The following LRP1B variants were observed in gnomAD, a reference collection of about 807,000 sequenced individuals.
LRP1B encodes low-density lipoprotein receptor-related protein 1B.
LRP1B carries 217 observed loss-of-function variants against 556.6 expected under a neutral mutation model. That is an observed-to-expected ratio of 0.39 (90% CI 0.35 to 0.44). The LOEUF (loss-of-function observed/expected upper bound fraction) is 0.44. LRP1B is among the 20% of genes least tolerant of loss of function. The pLI is 1.00. For synonymous variants in LRP1B, 2,047 were observed against 1,865.8 expected (o/e 1.10, Z -2.50); for missense variants, 5,053 against 5,620.8 (o/e 0.90, Z 3.23).
At chr2:141,600,336 G>T (rs1466051367) in intron 2 of LRP1B, among the ~76,000 whole-genome samples, 1 of 152,126 alleles carries the variant, frequency 6.6e-6, no homozygotes, top group Non-Finnish European at 1.5e-5. Context: ...CTTCCCAAGT[G>T]AATCTAATAC....
chr2:141,266,749 G>T (rs1289285586), intron 3 of LRP1B, among the ~76,000 whole-genome samples: 4 of 151,996 alleles, frequency 2.6e-5, no homozygotes, highest in Non-Finnish European at 5.9e-5. Context: ...TTTTATTGTA[G>T]ATTTTATTAC....
chr2:142,123,957 TAAG>T (rs939910496), intron 1 of LRP1B, among the ~76,000 whole-genome samples: 2 of 152,096 alleles, frequency 1.3e-5, no homozygotes, highest in East Asian at 3.9e-4. Flanking sequence ...CTGCAATATT[TAAG>T]AAGAAATCCC....
intron 83 of LRP1B, among the ~76,000 whole-genome samples, chr2:140,303,957 G>T (rs373660579): frequency 2.0e-5 from 3 of 152,078 alleles, no homozygotes; most frequent in African/African-American, 7.2e-5. Context: ...ATGGTTTCCA[G>T]CTTCATCCAT....
chr2:141,613,753 G>T (rs1411945991), intron 2 of LRP1B, among the ~76,000 whole-genome samples: 2 of 152,074 alleles, frequency 1.3e-5, no homozygotes, highest in African/African-American at 2.4e-5. Context: ...AAGATTAAAA[G>T]AATACTACGG....
At chr2:141,036,327 A>T (rs1698531686) in intron 11 of LRP1B, among the ~76,000 whole-genome samples, 1 of 152,110 alleles carries the variant, frequency 6.6e-6, no homozygotes, top group Non-Finnish European at 1.5e-5. Flanking sequence ...AACACAAAGA[A>T]TTTCTTTCAC....
chr2:140,458,751 T>C (rs1687202258), intron 60 of LRP1B, among the ~76,000 whole-genome samples: 1 of 152,100 alleles, frequency 6.6e-6, no homozygotes, highest in African/African-American at 2.4e-5. Flanking sequence ...TTACTATTTA[T>C]AGGAAGCTTT....
chr2:140,268,030 G>C (rs991147396), intron 86 of LRP1B, among the ~76,000 whole-genome samples: 35 of 151,890 alleles, frequency 2.3e-4, no homozygotes, highest in Admixed American at 5.9e-4. Context: ...GAGTCCTCCT[G>C]AGACCTATTT....
chr2:141,769,358 G>A (rs1354047391), intron 2 of LRP1B, among the ~76,000 whole-genome samples: 1 of 152,150 alleles, frequency 6.6e-6, no homozygotes, highest in Admixed American at 6.5e-5. Context: ...TTGCAGTTAA[G>A]ACAGACTTTA....
intron 3 of LRP1B, among the ~76,000 whole-genome samples, chr2:141,428,754 C>A (rs982714312): frequency 6.6e-6 from 1 of 152,148 alleles, no homozygotes; most frequent in African/African-American, 2.4e-5. Context: ...GTTTGCCAGT[C>A]TCTAACAAGT....
chr2:140,499,936 A>T (rs1386711770), intron 55 of LRP1B, among the ~76,000 whole-genome samples: 1 of 151,902 alleles, frequency 6.6e-6, no homozygotes, highest in East Asian at 1.9e-4. Context: ...TCATTCTAAA[A>T]CACATTCCCT....
At chr2:141,132,146 T>C (rs927876087) in intron 7 of LRP1B, among the ~76,000 whole-genome samples, 1 of 151,926 alleles carries the variant, frequency 6.6e-6, no homozygotes, top group South Asian at 2.1e-4. Flanking sequence ...GTTTCTATGG[T>C]TTGGGTAGAG....
At chr2:141,990,144 C>T (rs1307765015) in intron 1 of LRP1B, among the ~76,000 whole-genome samples, 1 of 152,026 alleles carries the variant, frequency 6.6e-6, no homozygotes, top group Non-Finnish European at 1.5e-5. Context: ...TCCTAAAATA[C>T]AGATAGCATC....
chr2:140,401,903 T>C (rs1223750935), intron 66 of LRP1B, among the ~76,000 whole-genome samples: 1 of 152,206 alleles, frequency 6.6e-6, no homozygotes, highest in Non-Finnish European at 1.5e-5. Flanking sequence ...TCACTACTAT[T>C]ATAATCAGAA....
chr2:141,755,671 G>A (rs1694293506), intron 2 of LRP1B, among the ~76,000 whole-genome samples: 1 of 151,872 alleles, frequency 6.6e-6, no homozygotes. Context: ...TTATTTTAAG[G>A]TAATATGGAA....
Position 141,611,725 on chromosome 2 carries a change from C to A in LRP1B, c.206-131192G>T, listed in dbSNP as rs115224158. On this transcript the variant is annotated intron_variant, in intron 2 of 90. Coordinates refer to ENST00000389484, the MANE Select transcript of LRP1B (RefSeq NM_018557.3). ...AGATGTGGTGCGGAGCCATGCCAGG[C>A]AGAATGGTTAACACAAAATAAATGT... Among the ~76,000 whole-genome samples the A allele has an allele frequency of 8.0e-3, 1,224 of 152,194 alleles. 18 individuals are homozygous for A. The highest frequency in any genetic ancestry group is 0.028 in the African/African-American group (1,174 of 41,510).
intron 7 of LRP1B, among the ~76,000 whole-genome samples, chr2:141,092,259 G>A (rs755326511): frequency 2.0e-5 from 3 of 152,156 alleles, no homozygotes; most frequent in Non-Finnish European, 2.9e-5. Context: ...AATGAGGGTA[G>A]CCCATTGGAC....
At chr2:141,867,728 A>G (rs1698458375) in intron 1 of LRP1B, among the ~76,000 whole-genome samples, 2 of 152,320 alleles carry the variant, frequency 1.3e-5, no homozygotes, top group African/African-American at 4.8e-5. Flanking sequence ...TTTTTCCAGT[A>G]ACAATATACT....
chr2:141,753,337 T>C (rs1000875065), intron 2 of LRP1B, among the ~76,000 whole-genome samples: 1 of 144,910 alleles, frequency 6.9e-6, no homozygotes, highest in Non-Finnish European at 1.5e-5. Flanking sequence ...ATAGACGTTT[T>C]ATTTTCCTTT....
At chr2:140,299,246 T>A (rs1023691762) in intron 83 of LRP1B, among the ~76,000 whole-genome samples, 16 of 152,096 alleles carry the variant, frequency 1.1e-4, no homozygotes, top group African/African-American at 3.6e-4. Context: ...GTGAATACAA[T>A]GCTTACAAAT....
Sources: gnomAD v4.1 joint callset for allele counts (sites outside exome capture counted in the v4.1 genomes callset) on GRCh38, gnomAD v4.1.1 for gene constraint, MANE v1.5 for transcripts, NCBI Gene and HGNC (gene_info 2026-07-23, HGNC 2026-07-21) for gene names.